The following SNX3 variants were observed in gnomAD, a reference collection of about 807,000 sequenced individuals.
SNX3 encodes sorting nexin 3.
In SNX3, 5 loss-of-function variants were observed where a neutral mutation model predicts 17.7. The ratio of observed to expected loss-of-function variants is 0.28; its 90% CI spans 0.15 to 0.59. The LOEUF (loss-of-function observed/expected upper bound fraction) is 0.59. Ranked by LOEUF, SNX3 falls within the 20% of genes least tolerant of loss-of-function variation. The pLI, the probability that SNX3 is intolerant of heterozygous loss-of-function variation, is 0.88. For missense variants in SNX3, 132 were observed against 206.8 expected (o/e 0.64, Z 2.22); for synonymous variants, 91 against 76.5 (o/e 1.19, Z -0.99).
intron 1 of SNX3, among the ~76,000 whole-genome samples, chr6:108,229,636 A>G (rs1775081206): frequency 6.6e-6 from 1 of 152,120 alleles, no homozygotes; most frequent in Non-Finnish European, 1.5e-5. Context: ...CGCCCATGCT[A>G]GGGTAAAATG....
Position 108,239,730 on chromosome 6 carries a change from A to G in SNX3, c.163-16685T>C, listed in dbSNP as rs531334981. Among the ~76,000 whole-genome samples, 28 of 152,344 alleles carry G rather than the reference A, an allele frequency of 1.8e-4. No homozygotes were observed. In the East Asian group the frequency reaches 3.3e-3, roughly 18 times the overall value. Reference sequence around the variant, plus strand: ...CGTTCAACTTCAAAGTCCATGCTCTAAAGTCACACTATGGTTATAGTACTT... The same window carrying G: ...CGTTCAACTTCAAAGTCCATGCTCTGAAGTCACACTATGGTTATAGTACTT... On this transcript the variant is annotated intron_variant, in intron 1 of 3. Transcript: ENST00000230085.
chr6:108,219,676 T>G (rs1393005117), intron 2 of SNX3, among the ~76,000 whole-genome samples: 1 of 152,238 alleles, frequency 6.6e-6, no homozygotes, highest in African/African-American at 2.4e-5. Flanking sequence ...AATCTTTATT[T>G]CCTAATAGAC....
At chr6:108,255,439 T>A (rs997139336) in intron 1 of SNX3, among the ~76,000 whole-genome samples, 3 of 152,068 alleles carry the variant, frequency 2.0e-5, no homozygotes, top group Non-Finnish European at 4.4e-5. Context: ...AGTGTTGACC[T>A]CCTCCTGGGC....
intron 1 of SNX3, among the ~76,000 whole-genome samples, chr6:108,254,290 C>A (rs1562442009): frequency 6.6e-6 from 1 of 151,504 alleles, no homozygotes; most frequent in African/African-American, 2.4e-5. Flanking sequence ...CATGGAGAAA[C>A]CCTGTCTCTA....
chr6:108,242,038 A>G (rs1775537136), intron 1 of SNX3, among the ~76,000 whole-genome samples: 1 of 152,250 alleles, frequency 6.6e-6, no homozygotes, highest in East Asian at 1.9e-4. Context: ...GCTGAAAAGT[A>G]TAATAGCTGA....
At chr6:108,220,895 T>G (rs1196133331) in intron 2 of SNX3, among the ~76,000 whole-genome samples, 2 of 151,812 alleles carry the variant, frequency 1.3e-5, no homozygotes, top group East Asian at 3.9e-4. Context: ...GCAGGAGAAT[T>G]GCTTGAACCC....
At chr6:108,222,440 C>G (rs1582474189) in intron 2 of SNX3, 10 of 919,956 alleles carry the variant, frequency 1.1e-5, no homozygotes, top group Non-Finnish European at 1.2e-5. Context: ...CCGGCAGCAA[C>G]CCATTAGTGG....
intron 1 of SNX3, among the ~76,000 whole-genome samples, chr6:108,252,681 C>CT (rs147765130): frequency 0.027 from 4,154 of 151,232 alleles, 195 homozygotes; most frequent in African/African-American, 0.091. Context: ...CTCTTTTTCT[C>CT]TTTTTTTTTG....
At chr6:108,236,325 C>T (rs1324671140) in intron 1 of SNX3, among the ~76,000 whole-genome samples, 2 of 148,920 alleles carry the variant, frequency 1.3e-5, no homozygotes, top group African/African-American at 5.0e-5. Context: ...TCTCTCTCTA[C>T]CTCTCTTTAT....
At chr6:108,234,995 G>C (rs217132) in intron 1 of SNX3, among the ~76,000 whole-genome samples, 1 of 152,028 alleles carries the variant, frequency 6.6e-6, no homozygotes, top group South Asian at 2.1e-4. Context: ...TTAAGTCTTC[G>C]AGTTGTCCTC....
chr6:108,212,303 G>T, intron 3 of SNX3, 49 bp from the exon 4 acceptor site: 2 of 1,299,560 alleles, frequency 1.5e-6, no homozygotes, highest in South Asian at 1.3e-5. Context: ...ACAAGGTGGG[G>T]GAGTTCAAAA....
In SNX3 at chr6:108,254,520, T is replaced by C. The variant is rs189745969; in HGVS notation, c.162+6240A>G. On this transcript the variant is annotated intron_variant, in intron 1 of 3. Coordinates refer to ENST00000230085, the MANE Select transcript of SNX3 (RefSeq NM_003795.6). ...AAAATCTAGGTTCAAATCCCAGTTT[T>C]ACCATTTAATAGCTGTGACCCTGGG... 2.1e-3 allele frequency among the ~76,000 whole-genome samples: 320 copies of C among 152,306 alleles called. 3 individuals are homozygous for C. The highest frequency in any genetic ancestry group is 2.0e-3 in the Non-Finnish European group (133 of 68,036).
At chr6:108,227,925 G>A (rs61145416) in intron 1 of SNX3, among the ~76,000 whole-genome samples, 10,887 of 151,804 alleles carry the variant, frequency 0.072, 1,348 homozygotes, top group African/African-American at 0.25. Flanking sequence ...ATTGAAGGGC[G>A]GAGAGGTTTT....
chr6:108,256,471 T>C (rs940285534), intron 1 of SNX3, among the ~76,000 whole-genome samples: 1 of 152,228 alleles, frequency 6.6e-6, no homozygotes, highest in Non-Finnish European at 1.5e-5. Flanking sequence ...GCTTATTATG[T>C]GCCAGGCACT....
chr6:108,247,324 G>T (rs1192888379), intron 1 of SNX3, among the ~76,000 whole-genome samples: 1 of 151,996 alleles, frequency 6.6e-6, no homozygotes, highest in East Asian at 1.9e-4. Flanking sequence ...GAGGAAACAG[G>T]AAACGATTAT....
In SNX3 at chr6:108,246,313, C is replaced by CTTTTTTT. The variant is rs71015538; in HGVS notation, c.162+14440_162+14446dup. Among the ~76,000 whole-genome samples, 75 of 47,982 alleles carry CTTTTTTT rather than the reference C, an allele frequency of 1.6e-3. 13 individuals are homozygous for CTTTTTTT. The highest frequency in any genetic ancestry group is 5.4e-3 in the African/African-American group (60 of 11,150). The allele number at this position is 47,982 out of a possible 152,430, so 31.5% of individuals were successfully genotyped here. Reference sequence around the variant, plus strand: ...AATTCTTAAAAGAGCTTTGAGCATTCTTTTTTTTTTTTTTTTTTTTTTTTT... The same window carrying CTTTTTTT: ...AATTCTTAAAAGAGCTTTGAGCATTCTTTTTTTTTTTTTTTTTTTTTTTTTTTTTTTT... On this transcript the variant is annotated intron_variant, in intron 1 of 3. Coordinates refer to ENST00000230085, the MANE Select transcript of SNX3 (RefSeq NM_003795.6).
chr6:108,230,857 T>C (rs1768670100), intron 1 of SNX3, among the ~76,000 whole-genome samples: 1 of 152,236 alleles, frequency 6.6e-6, no homozygotes, highest in Admixed American at 6.5e-5. Flanking sequence ...TGGAATCCAC[T>C]GAGTCCATAA....
intron 2 of SNX3, among the ~76,000 whole-genome samples, chr6:108,221,482 G>C (rs1482299295): frequency 7.3e-6 from 1 of 137,930 alleles, no homozygotes; most frequent in Non-Finnish European, 1.5e-5. Context: ...ATCTTCAACA[G>C]TAAACATTCC....
intron 1 of SNX3, among the ~76,000 whole-genome samples, chr6:108,251,069 G>T (rs1775842678): frequency 6.6e-6 from 1 of 150,516 alleles, no homozygotes; most frequent in Non-Finnish European, 1.5e-5. Flanking sequence ...AGCAGCCTTG[G>T]AAGGAAAAAA....
Sources: allele counts gnomAD v4.1 joint callset (sites outside exome capture counted in the v4.1 genomes callset), GRCh38; gene constraint gnomAD v4.1.1; transcripts MANE v1.5; gene names NCBI Gene and HGNC (gene_info 2026-07-23, HGNC 2026-07-21).